The following SLC1A1 variants were observed in gnomAD, a reference collection of about 807,000 sequenced individuals.
SLC1A1 encodes the protein solute carrier family 1 member 1.
In SLC1A1, 43 loss-of-function variants were observed where a neutral mutation model predicts 53.3. The observed-to-expected ratio is 0.81, with a 90% confidence interval of 0.63 to 1.04. The LOEUF is 1.04. SLC1A1 is among the 50% of genes least tolerant of loss of function. The pLI, the probability that SLC1A1 is intolerant of heterozygous loss-of-function variation, is 0.00. For synonymous variants in SLC1A1, 307 were observed against 243.2 expected (o/e 1.26, Z -2.44); for missense variants, 748 against 664.9 (o/e 1.12, Z -1.37).
chr9:4,520,659 C>T (rs1484460569), intron 1 of SLC1A1, among the ~76,000 whole-genome samples: 2 of 152,060 alleles, frequency 1.3e-5, no homozygotes, highest in African/African-American at 2.4e-5. Flanking sequence ...TTTGTTTATC[C>T]AATAATAAAT....
At chr9:4,539,367 A>G (rs1290192219) in intron 1 of SLC1A1, among the ~76,000 whole-genome samples, 1 of 152,078 alleles carries the variant, frequency 6.6e-6, no homozygotes, top group Non-Finnish European at 1.5e-5. Flanking sequence ...TATTTTTTTT[A>G]TAAACTTAGC....
At chr9:4,514,246 A>G (rs1980943) in intron 1 of SLC1A1, among the ~76,000 whole-genome samples, 102,744 of 152,060 alleles carry the variant, frequency 0.68, 34,981 homozygotes, top group African/African-American at 0.74. Context: ...ATACATGTCC[A>G]GCATTTGCAA....
At chr9:4,537,588 T>TAAAAA (rs1554679405) in intron 1 of SLC1A1, among the ~76,000 whole-genome samples, 4 of 22,822 alleles carry the variant, frequency 1.8e-4, no homozygotes, top group Admixed American at 4.7e-4. Flanking sequence ...TAAAATAAAA[T>TAAAAA]AAAATAAAAT....
At chr9:4,542,124 T>C (rs901235327) in intron 1 of SLC1A1, among the ~76,000 whole-genome samples, 9 of 151,852 alleles carry the variant, frequency 5.9e-5, no homozygotes, top group African/African-American at 2.2e-4. Flanking sequence ...CAGCACTAGA[T>C]TGGTATTTCT....
chr9:4,579,072 CA>C (rs1820824425), intron 10 of SLC1A1, among the ~76,000 whole-genome samples: 1 of 152,200 alleles, frequency 6.6e-6, no homozygotes, highest in Non-Finnish European at 1.5e-5. Flanking sequence ...CCCTAAATCG[CA>C]AAGTATTTCT....
chr9:4,490,987 G>A (rs1423598350), intron 1 of SLC1A1, among the ~76,000 whole-genome samples: 1 of 152,210 alleles, frequency 6.6e-6, no homozygotes, highest in African/African-American at 2.4e-5. Context: ...CCATTTGAGT[G>A]CTCCTTGAGC....
chr9:4,508,893 A>C lies in SLC1A1; in HGVS notation c.91+18123A>C, dbSNP rs189060279. On this transcript the variant is annotated intron_variant, in intron 1 of 11. Coordinates refer to ENST00000262352, the MANE Select transcript of SLC1A1 (RefSeq NM_004170.6). The stretch of plus-strand genomic sequence containing the variant: ...GCTTGATGCCGGGGCGGTGGGGTAC[A>C]GGAATGAGCAGACAAATGCTTCTGC... Among the ~76,000 whole-genome samples the C allele has an allele frequency of 2.6e-5, 4 of 152,334 alleles. No homozygotes were observed. In the East Asian group the frequency reaches 7.7e-4, roughly 29 times the overall value.
chr9:4,497,302 C>A (rs568973818), intron 1 of SLC1A1, among the ~76,000 whole-genome samples: 1 of 152,136 alleles, frequency 6.6e-6, no homozygotes, highest in Non-Finnish European at 1.5e-5. Context: ...GGGATTCAAA[C>A]CCTGGAAGTC....
At chr9:4,573,770 T>C in intron 7 of SLC1A1, 137 bp from the exon 8 acceptor site, 1 of 754,658 alleles carries the variant, frequency 1.3e-6, no homozygotes, top group Non-Finnish European at 2.5e-6. Context: ...AACTCTTAGC[T>C]TCAATTCCCA....
At chr9:4,525,287 A>G (rs1816219024) in intron 1 of SLC1A1, among the ~76,000 whole-genome samples, 1 of 152,194 alleles carries the variant, frequency 6.6e-6, no homozygotes, top group Non-Finnish European at 1.5e-5. Flanking sequence ...AGAAGATTAA[A>G]ATCCAGATTT....
chr9:4,520,502 C>T (rs561702362), intron 1 of SLC1A1, among the ~76,000 whole-genome samples: 1 of 152,298 alleles, frequency 6.6e-6, no homozygotes, highest in South Asian at 2.1e-4. Flanking sequence ...TAAATGGAAT[C>T]ATATAATACA....
chr9:4,567,138 G>A (rs955102456), intron 5 of SLC1A1, among the ~76,000 whole-genome samples: 1 of 152,190 alleles, frequency 6.6e-6, no homozygotes, highest in Non-Finnish European at 1.5e-5. Context: ...AAACAGGGCT[G>A]AAAGAAGAGA....
intron 1 of SLC1A1, among the ~76,000 whole-genome samples, chr9:4,511,871 G>A (rs1236848601): frequency 2.0e-5 from 3 of 152,078 alleles, no homozygotes; most frequent in Admixed American, 6.5e-5. Flanking sequence ...ATTTTAGCAG[G>A]GCTGCAAGAT....
At chr9:4,514,061 A>G (rs73641454) in intron 1 of SLC1A1, among the ~76,000 whole-genome samples, 6,318 of 152,292 alleles carry the variant, frequency 0.041, 441 homozygotes, top group African/African-American at 0.14. Flanking sequence ...CTAGAAAGAT[A>G]CAGCATGAGA....
intron 1 of SLC1A1, among the ~76,000 whole-genome samples, chr9:4,491,124 C>G (rs1820220526): frequency 6.6e-6 from 1 of 152,208 alleles, no homozygotes. Flanking sequence ...CGCACCGTAT[C>G]TCCCCCTATC....
chr9:4,542,684 C>T (rs1007331143), intron 1 of SLC1A1, among the ~76,000 whole-genome samples: 18 of 152,106 alleles, frequency 1.2e-4, no homozygotes, highest in African/African-American at 4.3e-4. Flanking sequence ...ATCCTTAGGG[C>T]ATAATATAGG....
At chr9:4,503,738 A>C (rs1820710795) in intron 1 of SLC1A1, among the ~76,000 whole-genome samples, 1 of 151,936 alleles carries the variant, frequency 6.6e-6, no homozygotes. Context: ...CTGTTTCCTA[A>C]GGACAAGAAT....
intron 1 of SLC1A1, among the ~76,000 whole-genome samples, chr9:4,515,446 T>C (rs557828759): frequency 6.6e-6 from 1 of 152,278 alleles, no homozygotes; most frequent in Admixed American, 6.5e-5. Flanking sequence ...TGTGCAGGTA[T>C]CCAGGTAGAG....
intron 1 of SLC1A1, among the ~76,000 whole-genome samples, chr9:4,540,736 T>C (rs1320299575): frequency 6.6e-6 from 1 of 152,194 alleles, no homozygotes; most frequent in African/African-American, 2.4e-5. Flanking sequence ...CCAGCACCCG[T>C]GCACTGCAGT....
Sources: gnomAD v4.1 joint callset for allele counts (sites outside exome capture counted in the v4.1 genomes callset) on GRCh38, gnomAD v4.1.1 for gene constraint, MANE v1.5 for transcripts, NCBI Gene and HGNC (gene_info 2026-07-23, HGNC 2026-07-21) for gene names.